Variants in CTBP1 observed in about 807,000 individuals in gnomAD.
CTBP1 encodes C-terminal binding protein 1, also known as C-terminal-binding protein 1.
CTBP1 carries 11 observed loss-of-function variants against 42.1 expected under a neutral mutation model. The observed-to-expected ratio is 0.26, with a 90% CI of 0.16 to 0.43. The LOEUF (loss-of-function observed/expected upper bound fraction) is 0.43. CTBP1 is among the 20% of genes least tolerant of loss of function. The pLI is 1.00. For synonymous variants in CTBP1, 324 were observed against 277.1 expected (o/e 1.17, Z -1.68); for missense variants, 399 against 624.3 (o/e 0.64, Z 3.85).
rs200654731 is a variant in CTBP1 at position 1,212,894 on chromosome 4, G to C, written c.1106+19C>G. 1 of 1,606,002 alleles carries C rather than the reference G, an allele frequency of 6.2e-7. No individual in the cohort carries two copies. The highest frequency in any genetic ancestry group is 1.3e-5 in the African/African-American group (1 of 74,828). On this transcript the variant is annotated intron_variant, in intron 9 of 9. Coordinates refer to ENST00000382952, the MANE Select transcript of CTBP1 (RefSeq NM_001012614.2). ...TGGGGCCCTCCTGGAGGCTGTTCTG[G>C]GCCAGCGGGCCTGCTCACCTATAGG...
chr4:1,217,321 T>C (rs1328257568), intron 5 of CTBP1: 4 of 152,402 alleles, frequency 2.6e-5, no homozygotes, highest in Middle Eastern at 3.2e-3. Flanking sequence ...AGAAGGAACA[T>C]GGTGGCTCCT....
At chr4:1,228,708 C>T (rs1470867717) in intron 3 of CTBP1, among the ~76,000 whole-genome samples, 1 of 85,346 alleles carries the variant, frequency 1.2e-5, no homozygotes, top group Admixed American at 1.0e-4. Context: ...TCCCGCCTGG[C>T]GAGGACACAG....
chr4:1,242,550 T>C lies in CTBP1; in HGVS notation c.-188-1031A>G, dbSNP rs1001261594. ...TCCCTCTGCAGGATTCAAGCATACA[T>C]GCCGACCATCTCCAGCTTCCAGAGA... is the stretch of plus-strand genomic sequence containing the variant. On this transcript the variant is annotated intron_variant, in intron 1 of 9. Coordinates refer to ENST00000382952, the MANE Select transcript of CTBP1 (RefSeq NM_001012614.2). 17 of 985,368 alleles carry C rather than the reference T, an allele frequency of 1.7e-5. No homozygotes were observed. In the South Asian group the frequency reaches 5.2e-4, roughly 30 times the overall value. The allele number at this position is 985,368 out of a possible 1,614,324, so 61.0% of individuals were successfully genotyped here. A position where few individuals can be genotyped will look rare whatever the true frequency, so the allele number is the denominator to read the frequency against.
At position 1,241,270 on chromosome 4, in the gene CTBP1, C is replaced by T. The variant is rs1346701124; in HGVS notation, c.7+55G>A. 2.0e-5 allele frequency: 16 copies of T among 785,782 alleles called. 1 individual carries two copies. The highest frequency in any genetic ancestry group is 3.3e-5 in the Non-Finnish European group (14 of 423,110). The allele number at this position is 785,782 out of a possible 1,614,324, so 48.7% of individuals were successfully genotyped here. A position where few individuals can be genotyped will look rare whatever the true frequency, so the allele number is the denominator to read the frequency against. On this transcript the variant is annotated intron_variant, in intron 2 of 9. Coordinates refer to ENST00000382952, the MANE Select transcript of CTBP1 (RefSeq NM_001012614.2). The stretch of plus-strand genomic sequence containing the variant: ...CGAGGCAGTGCCTCCTCCACACGGT[C>T]GCAAAGAGACCGGCCGGCTTCACTC...
rs1172734455 is a variant in CTBP1 at position 1,212,229 on chromosome 4, C to T, written c.*11G>A. The stretch of plus-strand genomic sequence containing the variant: ...CTGCCCAGGCGCCGAGGCTGGAGAG[C>T]TCCTCCCGGGCTACAACTGGTCACT... On this transcript the variant is annotated 3_prime_UTR_variant, in exon 10 of 10. Transcript: ENST00000382952. 6.9e-7 allele frequency: 1 copy of T among 1,447,462 alleles called. No homozygotes were observed. The allele number at this position is 1,447,462 out of a possible 1,614,324, so 89.7% of individuals were successfully genotyped here.
In CTBP1 at chr4:1,232,308, ATTCT is replaced by A. The variant is rs200695965; in HGVS notation, c.163-3969_163-3966del. ...TTTTTTAAATTTATTTTGCTATGTC[ATTCT>A]TTCTTTTTTTCCTTTTTGAGACAGA... On this transcript the variant is annotated intron_variant, in intron 3 of 9. Coordinates refer to ENST00000382952, the MANE Select transcript of CTBP1 (RefSeq NM_001012614.2). 4.3e-3 allele frequency among the ~76,000 whole-genome samples: 657 copies of A among 152,122 alleles called. 8 individuals carry two copies. The highest frequency in any genetic ancestry group is 0.015 in the African/African-American group (627 of 41,504).
intron 3 of CTBP1, among the ~76,000 whole-genome samples, chr4:1,229,129 C>G (rs1191970052): frequency 6.6e-6 from 1 of 152,336 alleles, no homozygotes; most frequent in African/African-American, 2.4e-5. Context: ...CACGGCCAAC[C>G]CCACCCTGCC....
chr4:1,242,158 C>T, intron 1 of CTBP1: 1 of 985,464 alleles, frequency 1.0e-6, no homozygotes, highest in South Asian at 4.7e-5. Context: ...TGGCGGGAAG[C>T]TGAGGGCACG....
chr4:1,241,591 A>T, intron 1 of CTBP1, 72 bp from the exon 2 acceptor site: 1 of 1,482,816 alleles, frequency 6.7e-7, no homozygotes, highest in Non-Finnish European at 9.0e-7. Flanking sequence ...ACTCCAGGGA[A>T]CGCCTCAGAA....
intron 2 of CTBP1, among the ~76,000 whole-genome samples, chr4:1,240,916 C>T (rs1001563884): frequency 2.0e-5 from 3 of 152,328 alleles, no homozygotes; most frequent in East Asian, 1.9e-4. Flanking sequence ...GGCCAGAGAG[C>T]GCAGACCAAC....
intron 5 of CTBP1, among the ~76,000 whole-genome samples, chr4:1,219,541 A>G (rs1729507708): frequency 6.6e-6 from 1 of 152,258 alleles, no homozygotes; most frequent in Non-Finnish European, 1.5e-5. Flanking sequence ...TCCCACATCA[A>G]CACGGTAACA....
chr4:1,244,886 G>C (rs1015884253), intron 1 of CTBP1: 2 of 985,438 alleles, frequency 2.0e-6, no homozygotes, highest in Non-Finnish European at 2.4e-6. Context: ...TGACATGAAC[G>C]AAGGCTGTGC....
At chr4:1,228,103 G>C in intron 4 of CTBP1, 96 bp downstream of exon 4, 1 of 1,509,112 alleles carries the variant, frequency 6.6e-7, no homozygotes. Context: ...AATGTGCAAC[G>C]GGGTCCTCAG....
intron 1 of CTBP1, chr4:1,242,322 C>G (rs762997552): frequency 1.0e-6 from 1 of 985,248 alleles, no homozygotes; most frequent in African/African-American, 1.7e-5. Context: ...GACACAGCAC[C>G]GAGGCTGACC....
At position 1,238,279 on chromosome 4, in the gene CTBP1, C is replaced by G; in HGVS notation, c.66G>C (p.Leu22=). The change falls in exon 3 of 10, where the codon CTG becomes CTC. Residue 22 remains leucine, a synonymous_variant. Coordinates refer to ENST00000382952, the MANE Select transcript of CTBP1 (RefSeq NM_001012614.2). The surrounding 1 kb of genome is among the most constrained non-coding windows in gnomAD (Gnocchi z 5.9). ...PLHPRPLVAL[L]DGRDCTVEMP... is the part of the protein sequence containing the mutation. ...TCTCCACTGTGCAGTCCCGGCCATC[C>G]AGCAATGCCACCAGGGGCCGCGGGT... The G allele has an allele frequency of 6.2e-7, 1 of 1,601,030 alleles. No homozygotes were observed. Among genetic ancestry groups the G allele is most frequent in the Non-Finnish European group, 8.5e-7 (1 of 1,170,864 alleles).
rs752563993 is a variant in CTBP1 at position 1,241,287 on chromosome 4, G to A, written c.7+38C>T. ...CACACGGTCGCAAAGAGACCGGCCG[G>A]CTTCACTCTGCCGCCGACGCCAGGA... On this transcript the variant is annotated intron_variant, in intron 2 of 9. Coordinates refer to ENST00000382952, the MANE Select transcript of CTBP1 (RefSeq NM_001012614.2). 1.3e-5 allele frequency: 10 copies of A among 792,014 alleles called. No individual in the cohort carries two copies. The South Asian group carries it at 1.3e-4, about 11-fold the overall frequency. 49.1% of individuals were successfully genotyped at this position (792,014 alleles called of 1,614,324 possible). A position where few individuals can be genotyped will look rare whatever the true frequency, so the allele number is the denominator to read the frequency against.
chr4:1,243,816 C>T (rs1732435677), intron 1 of CTBP1: 1 of 985,344 alleles, frequency 1.0e-6, no homozygotes, highest in Non-Finnish European at 1.2e-6. Flanking sequence ...CCAGGACCCA[C>T]ACTGCTTTTC....
chr4:1,221,629 G>T (rs577782449), intron 5 of CTBP1: 185 of 243,894 alleles, frequency 7.6e-4, no homozygotes, highest in Non-Finnish European at 1.3e-3. Context: ...ACGGGAGGCG[G>T]ACACAGAAGG....
intron 2 of CTBP1, among the ~76,000 whole-genome samples, chr4:1,239,052 G>T (rs894990899): frequency 2.0e-5 from 3 of 152,200 alleles, no homozygotes; most frequent in African/African-American, 7.2e-5. Context: ...GAAGAGAAAA[G>T]AAACAGAACA....
Sources: allele counts gnomAD v4.1 joint callset (sites outside exome capture counted in the v4.1 genomes callset), GRCh38; gene constraint gnomAD v4.1.1; non-coding constraint Gnocchi (gnomAD v3.1); transcripts MANE v1.5; gene names NCBI Gene and HGNC (gene_info 2026-07-23, HGNC 2026-07-21).